Variants in RBFOX1 observed in about 807,000 individuals in gnomAD.
RBFOX1 encodes the protein RNA binding fox-1 homolog 1.
In RBFOX1, 8 loss-of-function variants were observed where a neutral mutation model predicts 57.7. That is an observed-to-expected ratio of 0.14 (90% CI 0.08 to 0.25). The LOEUF is 0.25. RBFOX1 is among the 10% of genes least tolerant of loss of function. The pLI, the probability that RBFOX1 is intolerant of heterozygous loss-of-function variation, is 1.00. For synonymous variants in RBFOX1, 326 were observed against 222.4 expected, an observed-to-expected ratio of 1.47 and a Z score of -4.15; for missense variants, 611 against 548.5, an observed-to-expected ratio of 1.11 and a Z score of -1.14.
intron 1 of RBFOX1, among the ~76,000 whole-genome samples, chr16:6,054,796 T>C (rs2095594758): frequency 1.3e-5 from 2 of 152,122 alleles, no homozygotes; most frequent in Admixed American, 6.6e-5. Context: ...ATTATTATTA[T>C]TTTTGAGACA....
At chr16:5,974,177 C>G (rs1488826655) in intron 4 of RBFOX1, among the ~76,000 whole-genome samples, 2 of 152,164 alleles carry the variant, frequency 1.3e-5, no homozygotes, top group African/African-American at 2.4e-5. Flanking sequence ...GCACAGCAGG[C>G]AATGCCAGAT....
chr16:6,225,578 A>G (rs1316929886), intron 1 of RBFOX1, among the ~76,000 whole-genome samples: 2 of 152,220 alleles, frequency 1.3e-5, no homozygotes, highest in Non-Finnish European at 2.9e-5. Flanking sequence ...AAATGAGGAT[A>G]GTGAAATTTA....
At chr16:7,167,481 G>A (rs1266924387) in intron 4 of RBFOX1, among the ~76,000 whole-genome samples, 1 of 152,092 alleles carries the variant, frequency 6.6e-6, no homozygotes, top group Non-Finnish European at 1.5e-5. Context: ...ACAAGCCAAG[G>A]ATGCCAGGAC....
chr16:6,117,372 A>G (rs74004775), intron 1 of RBFOX1, among the ~76,000 whole-genome samples: 2,880 of 152,362 alleles, frequency 0.019, 82 homozygotes, highest in African/African-American at 0.063. Context: ...TCAAATGATC[A>G]GAACTAATAA....
At chr16:6,455,077 T>C (rs900257970) in intron 2 of RBFOX1, among the ~76,000 whole-genome samples, 2 of 149,144 alleles carry the variant, frequency 1.3e-5, no homozygotes, top group Non-Finnish European at 3.0e-5. Context: ...GTATTTTTAG[T>C]AGAGACGGGG....
chr16:6,621,457 C>T (rs977739105), intron 2 of RBFOX1, among the ~76,000 whole-genome samples: 1 of 149,508 alleles, frequency 6.7e-6, no homozygotes, highest in Non-Finnish European at 1.5e-5. Context: ...GAGCCAGACT[C>T]TGTCTCAAAA....
At chr16:7,671,443 G>C in intron 13 of RBFOX1, 1 of 987,196 alleles carries the variant, frequency 1.0e-6, no homozygotes, top group Non-Finnish European at 1.5e-6. Flanking sequence ...GCTTGGTGAA[G>C]TAAGAGAGAA....
chr16:7,655,075 A>G (rs1283910163), intron 12 of RBFOX1, among the ~76,000 whole-genome samples: 1 of 152,242 alleles, frequency 6.6e-6, no homozygotes, highest in Non-Finnish European at 1.5e-5. Flanking sequence ...CCCTTTTCAT[A>G]GCTCTGTTGC....
intron 2 of RBFOX1, among the ~76,000 whole-genome samples, chr16:6,550,735 C>G (rs1307078473): frequency 6.6e-6 from 1 of 152,194 alleles, no homozygotes; most frequent in African/African-American, 2.4e-5. Context: ...TCATAAAATA[C>G]TTTGTACCTA....
intron 3 of RBFOX1, among the ~76,000 whole-genome samples, chr16:6,802,549 C>T (rs1288731373): frequency 1.3e-5 from 2 of 152,216 alleles, no homozygotes; most frequent in South Asian, 2.1e-4. Context: ...TGGTGGTGCA[C>T]ACCTGTAATC....
At chr16:7,462,100 G>A (rs1271145966) in intron 4 of RBFOX1, among the ~76,000 whole-genome samples, 1 of 152,134 alleles carries the variant, frequency 6.6e-6, no homozygotes, top group African/African-American at 2.4e-5. Flanking sequence ...TTGGTATTTG[G>A]CCTGACATAC....
intron 3 of RBFOX1, among the ~76,000 whole-genome samples, chr16:7,014,315 C>T (rs1048707747): frequency 6.6e-6 from 1 of 152,026 alleles, no homozygotes; most frequent in South Asian, 2.1e-4. Context: ...TGGGTTCAAG[C>T]AATCCTCCCA....
intron 4 of RBFOX1, among the ~76,000 whole-genome samples, chr16:5,904,686 T>G (rs1371180996): frequency 1.2e-4 from 19 of 152,046 alleles, no homozygotes; most frequent in Non-Finnish European, 1.5e-5. Context: ...CTTGAAGAGA[T>G]AATCAGATGG....
chr16:6,970,250 A>C (rs1439589378), intron 3 of RBFOX1, among the ~76,000 whole-genome samples: 1 of 152,156 alleles, frequency 6.6e-6, no homozygotes, highest in Non-Finnish European at 1.5e-5. Context: ...AAAAAGTCTT[A>C]ACAGAATAAG....
intron 5 of RBFOX1, among the ~76,000 whole-genome samples, chr16:7,555,887 T>C (rs569809200): frequency 2.0e-5 from 3 of 152,298 alleles, no homozygotes; most frequent in African/African-American, 7.2e-5. Flanking sequence ...TGCTCTGCAA[T>C]GCTCTGATTG....
downstream of RBFOX1, among the ~76,000 whole-genome samples, chr16:5,600,684 A>G (rs2047338218): frequency 6.6e-6 from 1 of 152,022 alleles, no homozygotes; most frequent in African/African-American, 2.4e-5. Flanking sequence ...CTATTCCCCC[A>G]AAATGACTTT....
chr16:7,414,835 C>G (rs1451049512), intron 4 of RBFOX1, among the ~76,000 whole-genome samples: 7 of 152,150 alleles, frequency 4.6e-5, no homozygotes, highest in Admixed American at 1.3e-4. Flanking sequence ...CCAGGCTGGT[C>G]TTGAACTCCT....
intron 2 of RBFOX1, among the ~76,000 whole-genome samples, chr16:5,585,703 C>T (rs1216647968): frequency 1.3e-5 from 2 of 152,222 alleles, no homozygotes; most frequent in African/African-American, 4.8e-5. Flanking sequence ...GCTTCTAGGA[C>T]CACTGCAGCA....
At chr16:5,862,233 C>T (rs547773575) in intron 3 of RBFOX1, among the ~76,000 whole-genome samples, 29 of 152,350 alleles carry the variant, frequency 1.9e-4, no homozygotes, top group African/African-American at 7.0e-4. Context: ...CACCCAAATG[C>T]TGCCACGGAT....
Sources: gnomAD v4.1 joint callset for allele counts (sites outside exome capture counted in the v4.1 genomes callset) on GRCh38, gnomAD v4.1.1 for gene constraint, MANE v1.5 for transcripts, NCBI Gene and HGNC (gene_info 2026-07-23, HGNC 2026-07-21) for gene names.